BGN: variants seen among roughly 807,000 people sequenced by gnomAD.
The protein encoded by BGN is bone/cartilage proteoglycan-I.
BGN carries 6 observed loss-of-function variants against 20.0 expected under a neutral mutation model. The observed-to-expected ratio is 0.30, with a 90% confidence interval of 0.16 to 0.59. The LOEUF (loss-of-function observed/expected upper bound fraction) is 0.59. BGN is among the 20% of genes least tolerant of loss of function. The pLI, the probability that BGN is intolerant of heterozygous loss-of-function variation, is 0.88. For synonymous variants in BGN, 146 were observed against 134.6 expected, an observed-to-expected ratio of 1.08 and a Z score of -0.59; for missense variants, 292 against 312.1, an observed-to-expected ratio of 0.94 and a Z score of 0.49.
chrX:153,504,891 A>G (rs1425457701), intron 2 of BGN, 22 bp downstream of exon 2: 2 of 1,170,631 alleles, frequency 1.7e-6, no homozygotes, highest in Non-Finnish European at 2.3e-6. Flanking sequence ...AGTGATGGGG[A>G]GCGGGGCATG....
intron 1 of BGN, 131 bp downstream of exon 1, chrX:153,495,244 C>T (rs1319011549): frequency 8.9e-6 from 1 of 111,784 alleles, no homozygotes; most frequent in Admixed American, 9.4e-5. Context: ...CCGGTGCTCT[C>T]TGTAGGCTGC....
chrX:153,503,676 G>A (rs1471221330), intron 1 of BGN, among the ~76,000 whole-genome samples: 1 of 111,940 alleles, frequency 8.9e-6, no homozygotes, highest in Non-Finnish European at 1.9e-5. Context: ...GGGCAGGCTC[G>A]GGCAGGGCTG....
intron 1 of BGN, 59 bp from the exon 2 acceptor site, chrX:153,504,562 C>T (rs2089784577): frequency 2.0e-6 from 2 of 983,253 alleles, no homozygotes; most frequent in Non-Finnish European, 2.8e-6. Flanking sequence ...ACACCAGCCC[C>T]TGGCATGGAG....
At chrX:153,496,739 C>T (rs2089717706) in intron 1 of BGN, among the ~76,000 whole-genome samples, 1 of 112,218 alleles carries the variant, frequency 8.9e-6, no homozygotes, top group Admixed American at 9.3e-5. Context: ...AATGAGTTTC[C>T]TGTCTTTAGC....
intron 2 of BGN, 61 bp from the exon 3 acceptor site, chrX:153,505,177 G>C: frequency 2.1e-6 from 2 of 943,899 alleles, no homozygotes; most frequent in Middle Eastern, 6.2e-4. Context: ...GTTCATGCTG[G>C]TGGTGGGGGT....
chrX:153,507,675 G>A (rs1556993587), intron 7 of BGN, among the ~76,000 whole-genome samples: 2 of 113,528 alleles, frequency 1.8e-5, no homozygotes, highest in Non-Finnish European at 3.7e-5. Context: ...CTGCGAGCCA[G>A]CACCGCGCAG....
Position 153,504,776 on chromosome X carries a change from G to T in BGN, c.145G>T (p.Val49Phe). Residue 49 changes from valine to phenylalanine, a missense_variant, in exon 2 of 8, where the codon GTC (valine) becomes TTC (phenylalanine). Coordinates refer to ENST00000331595, the MANE Select transcript of BGN (RefSeq NM_001711.6). ...AGCTTCGGGCGCTGACACCTCGGGCGTCCTGGACCCGGACTCTGTCACACC... is the reference window on the plus strand; with the variant it reads ...AGCTTCGGGCGCTGACACCTCGGGCTTCCTGGACCCGGACTCTGTCACACC... Reference protein sequence around the residue: ...EEASGADTSGVLDPDSVTPTY... With the variant: ...EEASGADTSGFLDPDSVTPTY... The T allele has an allele frequency of 8.3e-7, 1 of 1,211,764 alleles. No homozygotes were observed.
intron 7 of BGN, among the ~76,000 whole-genome samples, chrX:153,507,445 T>C (rs2089810866): frequency 8.9e-6 from 1 of 111,762 alleles, no homozygotes; most frequent in South Asian, 3.7e-4. Flanking sequence ...TGTGGCAGAG[T>C]CCAGGGAGTC....
At position 153,508,759 on chromosome X, in the gene BGN, C is replaced by G; in HGVS notation, c.*314C>G. 5.7e-6 allele frequency: 2 copies of G among 353,414 alleles called. No homozygotes were observed. The highest frequency in any genetic ancestry group is 1.0e-5 in the Non-Finnish European group (2 of 200,164). 29.1% of individuals were successfully genotyped at this position (353,414 alleles called of 1,213,427 possible). On this transcript the variant is annotated 3_prime_UTR_variant, in exon 8 of 8. Transcript: ENST00000331595. ...TCGTTCACTCCCAAACCCAAGTGTC[C>G]AAGGCTCCAGTCCTAGGAGAACAGT...
intron 1 of BGN, among the ~76,000 whole-genome samples, chrX:153,495,929 T>C (rs1433819498): frequency 3.6e-5 from 4 of 112,178 alleles, no homozygotes; most frequent in African/African-American, 1.3e-4. Context: ...TGTGCCATGC[T>C]CCCCAGGGCG....
chrX:153,506,152 A>C, intron 4 of BGN, 76 bp downstream of exon 4: 1 of 992,551 alleles, frequency 1.0e-6, no homozygotes. Flanking sequence ...GGATACCTTT[A>C]GAGGCTCAGT....
intron 3 of BGN, among the ~76,000 whole-genome samples, 171 bp from the exon 4 acceptor site, chrX:153,505,692 C>G (rs2089795113): frequency 9.0e-6 from 1 of 111,322 alleles, no homozygotes; most frequent in African/African-American, 3.3e-5. Context: ...GGTGGCACTG[C>G]TGGGGCTCAG....
rs200211184 is a variant in BGN, at chrX:153,504,653, G to A, written c.22G>A (p.Val8Met). Reference sequence around the variant, plus strand: ...CGCCATGTGGCCCCTGTGGCGCCTCGTGTCTCTGCTGGCCCTGAGCCAGGC... The same window carrying A: ...CGCCATGTGGCCCCTGTGGCGCCTCATGTCTCTGCTGGCCCTGAGCCAGGC... MWPLWRLVSLLALSQALP... is the reference protein window; with the variant it reads MWPLWRLMSLLALSQALP... The change falls in exon 2 of 8, where the codon GTG becomes ATG. Residue 8 changes from valine to methionine, a missense_variant. Transcript: ENST00000331595. 12 of 1,206,534 alleles carry A rather than the reference G, an allele frequency of 9.9e-6. No individual in the cohort carries two copies. The highest frequency in any genetic ancestry group is 3.5e-5 in the African/African-American group (2 of 57,415).
intron 1 of BGN, among the ~76,000 whole-genome samples, chrX:153,502,882 A>G (rs1384712556): frequency 8.9e-6 from 1 of 112,532 alleles, no homozygotes; most frequent in Admixed American, 9.2e-5. Context: ...GCCACTCCAC[A>G]GGCCTGGCAG....
chrX:153,508,828 G>A lies in BGN; in HGVS notation c.*383G>A, dbSNP rs1268379301. ...GAGGCGGTCCATAAGAATGGGGACA[G>A]TGGGCTCTGCCAGGGCTGCCGCACC... On this transcript the variant is annotated 3_prime_UTR_variant, in exon 8 of 8. Coordinates refer to ENST00000331595, the MANE Select transcript of BGN (RefSeq NM_001711.6). The A allele has an allele frequency of 2.1e-5, 5 of 234,827 alleles. No individual in the cohort carries two copies. Among genetic ancestry groups the A allele is most frequent in the Non-Finnish European group, 3.8e-5 (5 of 131,610 alleles). The allele number at this position is 234,827 out of a possible 1,213,427, so 19.4% of individuals were successfully genotyped here.
chrX:153,500,361 C>T (rs1602975664), intron 1 of BGN, among the ~76,000 whole-genome samples: 1 of 111,925 alleles, frequency 8.9e-6, no homozygotes, highest in South Asian at 3.7e-4. Flanking sequence ...CCAGGGAGCT[C>T]AGGGCACACT....
chrX:153,498,848 CTGGATCTG>C (rs1197588461), intron 1 of BGN, among the ~76,000 whole-genome samples: 9 of 112,490 alleles, frequency 8.0e-5, no homozygotes, highest in Admixed American at 1.9e-4. Context: ...GGAGGGGCTT[CTGGATCTG>C]TGGGCCATAG....
chrX:153,507,007 A>G (rs782513237), intron 6 of BGN, 40 bp from the exon 7 acceptor site: 10 of 1,207,707 alleles, frequency 8.3e-6, no homozygotes, highest in Non-Finnish European at 1.0e-5. Flanking sequence ...CCCCATCCTT[A>G]CCTCCAGCCT....
chrX:153,501,646 C>T (rs981209487), intron 1 of BGN, among the ~76,000 whole-genome samples: 21 of 112,458 alleles, frequency 1.9e-4, no homozygotes, highest in Non-Finnish European at 3.6e-4. Context: ...GCCCCTTCCT[C>T]GGGAGAGGTC....
Sources: gnomAD v4.1 joint callset for allele counts (sites outside exome capture counted in the v4.1 genomes callset) on GRCh38, gnomAD v4.1.1 for gene constraint, MANE v1.5 for transcripts, NCBI Gene and HGNC (gene_info 2026-07-23, HGNC 2026-07-21) for gene names.